Variants in AAK1 observed in about 807,000 individuals in gnomAD.
AAK1 encodes the protein AP2 associated kinase 1, also known as AP2-associated protein kinase 1.
AAK1 carries 37 observed loss-of-function variants against 116.0 expected under a neutral mutation model. The observed-to-expected ratio is 0.32, with a 90% CI of 0.25 to 0.42. AAK1 has a LOEUF of 0.42. Among genes scored for constraint, AAK1 ranks in the 10% least tolerant of loss-of-function variants. The probability of loss-of-function intolerance (pLI) is 1.00; values close to 1 mark genes in which losing one functional copy is unlikely to be tolerated. For synonymous variants in AAK1, 458 were observed against 439.9 expected (o/e 1.04, Z -0.51); for missense variants, 919 against 1,170.6 (o/e 0.79, Z 3.14).
chr2:69,538,235 A>G (rs967033129), intron 5 of AAK1, among the ~76,000 whole-genome samples: 18 of 152,260 alleles, frequency 1.2e-4, no homozygotes, highest in African/African-American at 4.1e-4. Context: ...GGGGTAAAGC[A>G]CTGAGGGCTG....
At chr2:69,521,442 T>C (rs1669774478) in intron 10 of AAK1, among the ~76,000 whole-genome samples, 1 of 152,188 alleles carries the variant, frequency 6.6e-6, no homozygotes, top group Non-Finnish European at 1.5e-5. Context: ...AACTAGCTGT[T>C]AAAGTGGTCT....
intron 3 of AAK1, among the ~76,000 whole-genome samples, chr2:69,552,954 T>C (rs1671239878): frequency 6.6e-6 from 1 of 151,944 alleles, no homozygotes; most frequent in Admixed American, 6.6e-5. Flanking sequence ...ATGGTTGGAA[T>C]ATAGAGGTGA....
chr2:69,560,259 A>C (rs1433280372), intron 2 of AAK1, among the ~76,000 whole-genome samples: 1 of 152,196 alleles, frequency 6.6e-6, no homozygotes, highest in African/African-American at 2.4e-5. Context: ...CATTCAAGAT[A>C]CTTCTCGTGC....
chr2:69,495,034 C>T (rs1463080679), intron 17 of AAK1, among the ~76,000 whole-genome samples: 2 of 152,026 alleles, frequency 1.3e-5, no homozygotes, highest in Non-Finnish European at 2.9e-5. Flanking sequence ...AGAAAAAAAA[C>T]CAAGCCAGTC....
chr2:69,602,264 C>CAA lies in AAK1; in HGVS notation c.163+40612_163+40613dup, dbSNP rs542434575. Among the ~76,000 whole-genome samples, 371 of 152,288 alleles carry CAA rather than the reference C, an allele frequency of 2.4e-3. 3 individuals carry two copies. The highest frequency in any genetic ancestry group is 8.0e-3 in the African/African-American group (334 of 41,562). ...GAAGGAAAATGTTTTTCTTTTGCTACAACGGGCACGACTGGGACAATTAGT... is the reference window on the plus strand; with the variant it reads ...GAAGGAAAATGTTTTTCTTTTGCTACAAAACGGGCACGACTGGGACAATTAGT... On this transcript the variant is annotated intron_variant, in intron 2 of 21. Transcript: ENST00000409085.
chr2:69,567,867 T>C (rs1671940980), intron 2 of AAK1, among the ~76,000 whole-genome samples: 1 of 152,142 alleles, frequency 6.6e-6, no homozygotes, highest in African/African-American at 2.4e-5. Flanking sequence ...TCAAAAATAA[T>C]AATTGTGCTG....
chr2:69,526,265 A>C (rs1016443124), intron 9 of AAK1, among the ~76,000 whole-genome samples: 1 of 152,196 alleles, frequency 6.6e-6, no homozygotes, highest in East Asian at 1.9e-4. Context: ...TTAGTAATAA[A>C]GCCAATATTC....
chr2:69,471,599 C>A lies in AAK1; in HGVS notation c.*4270G>T, dbSNP rs1674683271. On this transcript the variant is annotated 3_prime_UTR_variant, in exon 22 of 22. Coordinates refer to ENST00000409085, the MANE Select transcript of AAK1 (RefSeq NM_014911.5). ...CAATCCTGTCATTTTCATCCCAAAG[C>A]TCAAAGTTAGTGGCTATGGGAGCCT... 1 of 985,392 alleles carries A rather than the reference C, an allele frequency of 1.0e-6. No homozygotes were observed. Among genetic ancestry groups the A allele is most frequent in the East Asian group, 1.1e-4 (1 of 8,824 alleles). The allele number at this position is 985,392 out of a possible 1,614,324, so 61.0% of individuals were successfully genotyped here.
chr2:69,634,177 TA>T (rs34102633), intron 2 of AAK1, among the ~76,000 whole-genome samples: 34,670 of 152,096 alleles, frequency 0.23, 4,913 homozygotes, highest in East Asian at 0.49. Context: ...GAAAAATATA[TA>T]TATAAAAAGA....
chr2:69,598,058 C>A, intron 2 of AAK1: 1 of 567,326 alleles, frequency 1.8e-6, no homozygotes, highest in South Asian at 8.3e-5. Flanking sequence ...GGGTGAACAC[C>A]TTCTTTATGG....
At chr2:69,559,298 A>ACTCTCT (rs1043202922) in intron 2 of AAK1, among the ~76,000 whole-genome samples, 1 of 78,282 alleles carries the variant, frequency 1.3e-5, no homozygotes, top group African/African-American at 3.4e-5. Flanking sequence ...ACACACACAC[A>ACTCTCT]CTCTCTCTCT....
chr2:69,527,447 T>C, intron 8 of AAK1, 128 bp from the exon 9 acceptor site: 2 of 630,582 alleles, frequency 3.2e-6, no homozygotes, highest in East Asian at 5.5e-5. Context: ...AGTCAGACAG[T>C]ATAATTATCC....
At chr2:69,639,056 G>A (rs1420976226) in intron 2 of AAK1, among the ~76,000 whole-genome samples, 1 of 152,162 alleles carries the variant, frequency 6.6e-6, no homozygotes, top group Non-Finnish European at 1.5e-5. Context: ...AGTTTGCTCT[G>A]TAGGTAGGAG....
rs1673205356 is a variant in AAK1, at chr2:69,595,031, T to A, written c.164-38053A>T. 6 of 745,774 alleles carry A rather than the reference T, an allele frequency of 8.0e-6. No individual in the cohort carries two copies. The South Asian group carries it at 8.1e-5, about 10-fold the overall frequency. The allele number at this position is 745,774 out of a possible 1,614,324, so 46.2% of individuals were successfully genotyped here. ...GTGCTTGCCACACTTCTGACACAAG[T>A]CCAGCGGGTTTTAGGAACGTTCACC... On this transcript the variant is annotated intron_variant, in intron 2 of 21. Transcript: ENST00000409085.
Position 69,520,836 on chromosome 2 carries a change from G to A in AAK1, c.1208C>T (p.Ala403Val). The A allele has an allele frequency of 6.5e-7, 1 of 1,546,098 alleles. No individual in the cohort carries two copies. Among genetic ancestry groups the A allele is most frequent in the Non-Finnish European group, 8.7e-7 (1 of 1,153,160 alleles). ...TTCAAACCAATCTAGATACAAACCT[G>A]CAGCCTGAGGTGGGGGCTGAACAGT... ...RATVQPPPQA[A>V]GSSNQPGLLA... The change falls in exon 11 of 22, where the codon GCA becomes GTA. Residue 403 changes from alanine (A) to valine (V), a missense_variant and splice_region_variant. Ala to Val is a moderately conservative substitution (Grantham distance 64). Coordinates refer to ENST00000409085, the MANE Select transcript of AAK1 (RefSeq NM_014911.5).
chr2:69,542,019 C>T (rs551397987), intron 5 of AAK1, among the ~76,000 whole-genome samples: 42 of 152,282 alleles, frequency 2.8e-4, no homozygotes, highest in African/African-American at 9.9e-4. Context: ...GTACATGGCA[C>T]GTAATTGGTG....
rs1675519588 is a variant in AAK1, at chr2:69,491,453, A to G, written c.2365+4532T>C. ...CAGACCTTCTAAGAAAATTTGTTTT[A>G]TAGTGCTTTGAAAAATAAAAATATT... is the stretch of plus-strand genomic sequence containing the variant. On this transcript the variant is annotated intron_variant, in intron 17 of 21. Transcript: ENST00000409085. Among the ~76,000 whole-genome samples, 5 of 152,322 alleles carry G rather than the reference A, an allele frequency of 3.3e-5. No individual in the cohort carries two copies. The South Asian group carries it at 1.0e-3, about 32-fold the overall frequency.
At chr2:69,497,949 C>A (rs1303450198) in intron 16 of AAK1, among the ~76,000 whole-genome samples, 1 of 152,164 alleles carries the variant, frequency 6.6e-6, no homozygotes, top group Non-Finnish European at 1.5e-5. Context: ...CTTCTCCCCT[C>A]AGTGCCGATG....
At chr2:69,529,687 A>C (rs746108220) in intron 8 of AAK1, among the ~76,000 whole-genome samples, 18 of 152,208 alleles carry the variant, frequency 1.2e-4, no homozygotes, top group Non-Finnish European at 1.8e-4. Context: ...TTATCACTTG[A>C]TATGAGTCAG....
Sources: gnomAD v4.1 joint callset for allele counts (sites outside exome capture counted in the v4.1 genomes callset) on GRCh38, gnomAD v4.1.1 for gene constraint, MANE v1.5 for transcripts, NCBI Gene and HGNC (gene_info 2026-07-23, HGNC 2026-07-21) for gene names.